The following KDM4B variants were observed in gnomAD, a reference collection of about 807,000 sequenced individuals.
The protein encoded by KDM4B is lysine demethylase 4B, also known as lysine-specific demethylase 4B.
A neutral mutation model predicts 125.2 loss-of-function variants in KDM4B; 32 were observed. The observed-to-expected ratio is 0.26, with a 90% CI of 0.19 to 0.34. The LOEUF (loss-of-function observed/expected upper bound fraction) is 0.34. Among genes scored for constraint, KDM4B ranks in the 10% least tolerant of loss-of-function variants. KDM4B has a pLI of 1.00. For synonymous variants in KDM4B, 721 were observed against 677.9 expected (o/e 1.06, Z -0.99); for missense variants, 1,190 against 1,577.7 (o/e 0.75, Z 4.16).
At chr19:4,981,564 C>T (rs1257778946) in intron 1 of KDM4B, among the ~76,000 whole-genome samples, 1 of 152,172 alleles carries the variant, frequency 6.6e-6, no homozygotes, top group Non-Finnish European at 1.5e-5. Context: ...CAGCAGCCTC[C>T]ACCTGGACGT....
intron 1 of KDM4B, among the ~76,000 whole-genome samples, chr19:4,998,812 C>A (rs938741833): frequency 2.6e-5 from 4 of 152,164 alleles, no homozygotes; most frequent in African/African-American, 4.8e-5. Context: ...TGTTAAATGT[C>A]CCCCAGGTGG....
intron 7 of KDM4B, chr19:5,075,467 T>TTTTTAA (rs2038075808): frequency 6.6e-6 from 1 of 152,190 alleles, no homozygotes; most frequent in African/African-American, 2.4e-5. Context: ...CTTGGTTTAT[T>TTTTTAA]TTTTATTTTT....
intron 14 of KDM4B, 59 bp downstream of exon 14, chr19:5,134,120 C>A: frequency 6.7e-7 from 1 of 1,495,984 alleles, no homozygotes; most frequent in Non-Finnish European, 9.0e-7. Flanking sequence ...TGGGAGAGGG[C>A]GAGGGACCGG....
chr19:5,018,274 C>T (rs1170623278), intron 2 of KDM4B, among the ~76,000 whole-genome samples: 1 of 152,230 alleles, frequency 6.6e-6, no homozygotes, highest in Non-Finnish European at 1.5e-5. Flanking sequence ...ATGATCCTCC[C>T]ACCTCAACCT....
At chr19:5,072,034 C>T (rs950329811) in intron 7 of KDM4B, among the ~76,000 whole-genome samples, 1 of 152,188 alleles carries the variant, frequency 6.6e-6, no homozygotes, top group Non-Finnish European at 1.5e-5. Flanking sequence ...CCCCGCCCTT[C>T]AAGGACGGCG....
intron 7 of KDM4B, 46 bp from the exon 8 acceptor site, chr19:5,077,321 G>C: frequency 6.4e-7 from 1 of 1,553,808 alleles, no homozygotes; most frequent in South Asian, 1.1e-5. Context: ...CGCTGACCCC[G>C]GCCGGCTGTG....
rs1170947074 is a variant in KDM4B, at chr19:5,081,083, G to GTT, written c.781-1281_781-1280dup. On this transcript the variant is annotated intron_variant, in intron 8 of 22. Transcript: ENST00000159111. This position sits in a 1 kb window ranked among gnomAD's most constrained non-coding sequence, Gnocchi z 4.2. ...GGAGGGGTGCCTGGGGGCCCGGCAT[G>GTT]TTTTGTTCCTGTCTGGATCAGTGGT... 1 of 152,218 alleles carries GTT rather than the reference G, an allele frequency of 6.6e-6. No individual in the cohort carries two copies. Among genetic ancestry groups the GTT allele is most frequent in the Non-Finnish European group, 1.5e-5 (1 of 68,062 alleles). The allele number at this position is 152,218 out of a possible 1,614,324, so 9.4% of individuals were successfully genotyped here.
chr19:5,004,610 T>A (rs941842061), intron 1 of KDM4B, among the ~76,000 whole-genome samples: 2 of 152,080 alleles, frequency 1.3e-5, no homozygotes, highest in Admixed American at 1.3e-4. Context: ...ACGTTTCAGC[T>A]CCCCAGTTTC....
chr19:5,151,496 C>A lies in KDM4B; in HGVS notation c.3276C>A (p.Pro1092=). The A allele has an allele frequency of 6.9e-7, 1 of 1,443,472 alleles. No individual in the cohort carries two copies. The highest frequency in any genetic ancestry group is 1.5e-5 in the African/African-American group (1 of 68,278). The allele number at this position is 1,443,472 out of a possible 1,614,324, so 89.4% of individuals were successfully genotyped here. A position where few individuals can be genotyped will look rare whatever the true frequency, so the allele number is the denominator to read the frequency against. The change falls in exon 23 of 23, where the codon CCC becomes CCA. Residue 1092 remains proline (P), a synonymous_variant. Transcript: ENST00000159111. The part of the protein sequence containing the change: ...VESLLQVQGR[P]GAPF The stretch of plus-strand genomic sequence containing the variant: ...GCCTCCTGCAGGTGCAGGGCCGGCC[C>A]GGAGCCCCCTTCTAGGACAGCTGGC...
chr19:4,976,121 T>C (rs574217799), intron 1 of KDM4B, among the ~76,000 whole-genome samples: 9 of 151,498 alleles, frequency 5.9e-5, no homozygotes, highest in African/African-American at 2.2e-4. Flanking sequence ...TGGTGGTGTA[T>C]GCCTGTAATC....
chr19:5,105,257 C>T (rs1407158093), intron 9 of KDM4B, among the ~76,000 whole-genome samples: 1 of 152,254 alleles, frequency 6.6e-6, no homozygotes, highest in Non-Finnish European at 1.5e-5. Flanking sequence ...GGTAGTGGGG[C>T]GCGCGCAGCT....
intron 18 of KDM4B, chr19:5,140,176 G>GC (rs1400422519): frequency 2.6e-5 from 4 of 152,580 alleles, no homozygotes; most frequent in African/African-American, 9.7e-5. Flanking sequence ...GCTCCCCCAG[G>GC]CCCCCAGTGT....
intron 11 of KDM4B, among the ~76,000 whole-genome samples, chr19:5,125,451 C>T (rs2039432374): frequency 6.6e-6 from 1 of 152,254 alleles, no homozygotes; most frequent in African/African-American, 2.4e-5. Context: ...GAGAAGCCTA[C>T]ACCGCGTGGG....
chr19:5,082,366 G>A lies in KDM4B; in HGVS notation c.781-1G>A. On this transcript the variant is annotated splice_acceptor_variant, in intron 8 of 22. Coordinates refer to ENST00000159111, the MANE Select transcript of KDM4B (RefSeq NM_015015.3). LOFTEE classifies it high-confidence loss of function. This position sits in a 1 kb window ranked among gnomAD's most constrained non-coding sequence, Gnocchi z 5.4. ...CTCACCTGTCTCCTTTCCCTCTGCAGATCACGCAGGAGGCCGGGGAATTCA... is the reference window on the plus strand; with the variant it reads ...CTCACCTGTCTCCTTTCCCTCTGCAAATCACGCAGGAGGCCGGGGAATTCA... 6.2e-7 allele frequency: 1 copy of A among 1,613,528 alleles called. No homozygotes were observed. The highest frequency in any genetic ancestry group is 8.5e-7 in the Non-Finnish European group (1 of 1,179,912).
chr19:5,081,048 A>ATCT lies in KDM4B; in HGVS notation c.781-1319_781-1318insTCT, dbSNP rs2038277780. ...TGGTTCGGTGGGGATGGCCTGGTAG[A>ATCT]GGGCTGGTAGGAGGGGTGCCTGGGG... is the stretch of plus-strand genomic sequence containing the variant. On this transcript the variant is annotated intron_variant, in intron 8 of 22. Coordinates refer to ENST00000159111, the MANE Select transcript of KDM4B (RefSeq NM_015015.3). The surrounding 1 kb of genome is among the most constrained non-coding windows in gnomAD (Gnocchi z 4.2). The ATCT allele has an allele frequency of 6.6e-6, 1 of 152,196 alleles. No homozygotes were observed. The highest frequency in any genetic ancestry group is 1.5e-5 in the Non-Finnish European group (1 of 68,048). The allele number at this position is 152,196 out of a possible 1,614,324, so 9.4% of individuals were successfully genotyped here. A position where few individuals can be genotyped will look rare whatever the true frequency, so the allele number is the denominator to read the frequency against.
At chr19:5,061,723 CT>C in intron 6 of KDM4B, among the ~76,000 whole-genome samples, 1 of 151,844 alleles carries the variant, frequency 6.6e-6, no homozygotes, top group Non-Finnish European at 1.5e-5. Context: ...AAAAAATCAG[CT>C]GGGTGTAGGG....
At chr19:5,103,712 C>T (rs531326559) in intron 9 of KDM4B, among the ~76,000 whole-genome samples, 61 of 152,318 alleles carry the variant, frequency 4.0e-4, no homozygotes, top group Non-Finnish European at 6.9e-4. Flanking sequence ...GGGTCTGTGA[C>T]GGTATCTGTC....
chr19:5,152,305 T>TCCCTCCGTCTGCGCCCA lies in KDM4B; in HGVS notation c.*797_*813dup, dbSNP rs1433588292. 1 of 152,252 alleles carries TCCCTCCGTCTGCGCCCA rather than the reference T, an allele frequency of 6.6e-6. No homozygotes were observed. The highest frequency in any genetic ancestry group is 1.9e-4 in the East Asian group (1 of 5,194). 9.4% of individuals were successfully genotyped at this position (152,252 alleles called of 1,614,324 possible). The stretch of plus-strand genomic sequence containing the variant: ...AGGGGAAGCCCGGGGGTCTGGGGCC[T>TCCCTCCGTCTGCGCCCA]CCCTCCGTCTGCGCCCACCTTTGCA... On this transcript the variant is annotated 3_prime_UTR_variant, in exon 23 of 23. Coordinates refer to ENST00000159111, the MANE Select transcript of KDM4B (RefSeq NM_015015.3).
intron 7 of KDM4B, among the ~76,000 whole-genome samples, chr19:5,071,307 G>A (rs1319109165): frequency 6.6e-6 from 1 of 152,248 alleles, no homozygotes; most frequent in East Asian, 1.9e-4. Flanking sequence ...AGACGCTCCT[G>A]TTTTCCAGTT....
Sources: gnomAD v4.1 joint callset for allele counts (sites outside exome capture counted in the v4.1 genomes callset) on GRCh38, gnomAD v4.1.1 for gene constraint, Gnocchi (gnomAD v3.1) non-coding constraint, MANE v1.5 for transcripts, NCBI Gene and HGNC (gene_info 2026-07-23, HGNC 2026-07-21) for gene names.